The following FHIT variants were observed in gnomAD, a reference collection of about 807,000 sequenced individuals.
FHIT encodes the protein bis(5'-adenosyl)-triphosphatase.
Under a neutral mutation model 17.9 loss-of-function variants are expected in FHIT, and 19 were observed. The ratio of observed to expected loss-of-function variants is 1.06; its 90% CI spans 0.74 to 1.56. FHIT has a LOEUF of 1.56. Among genes scored for constraint, FHIT ranks in the 40% most tolerant of loss-of-function variants. FHIT has a pLI of 0.00. For synonymous variants in FHIT, 81 were observed against 69.7 expected (o/e 1.16, Z -0.81); for missense variants, 248 against 189.2 (o/e 1.31, Z -1.82).
At chr3:60,287,189 G>A (rs1016657408) in intron 5 of FHIT, among the ~76,000 whole-genome samples, 6 of 151,372 alleles carry the variant, frequency 4.0e-5, no homozygotes, top group Admixed American at 1.3e-4. Context: ...TTTTTTTTCA[G>A]ACAGAGTCTT....
intron 3 of FHIT, among the ~76,000 whole-genome samples, chr3:60,966,295 G>A (rs1236079422): frequency 6.6e-6 from 1 of 152,196 alleles, no homozygotes; most frequent in Admixed American, 6.5e-5. Flanking sequence ...GAAAAGCACA[G>A]TATTAGTGTG....
chr3:60,835,471 T>A (rs1702504324), intron 3 of FHIT, among the ~76,000 whole-genome samples: 1 of 152,252 alleles, frequency 6.6e-6, no homozygotes, highest in African/African-American at 2.4e-5. Flanking sequence ...GTATTTCATA[T>A]TTTTGAGCTA....
intron 4 of FHIT, among the ~76,000 whole-genome samples, chr3:60,640,893 A>T (rs1553685136): frequency 6.6e-6 from 1 of 152,198 alleles, no homozygotes; most frequent in Non-Finnish European, 1.5e-5. Context: ...AAAAAGAAAC[A>T]CACAGGCCAG....
At chr3:59,902,263 C>G (rs111795994) in intron 8 of FHIT, among the ~76,000 whole-genome samples, 5 of 152,136 alleles carry the variant, frequency 3.3e-5, no homozygotes, top group African/African-American at 1.2e-4. Context: ...TCATCTCACA[C>G]GTGTTAGGAT....
At chr3:60,992,404 T>TA (rs531550037) in intron 3 of FHIT, among the ~76,000 whole-genome samples, 1 of 152,154 alleles carries the variant, frequency 6.6e-6, no homozygotes, top group East Asian at 1.9e-4. Context: ...TACCTTAATT[T>TA]AAAAAAATAT....
intron 5 of FHIT, among the ~76,000 whole-genome samples, chr3:60,186,995 G>C (rs1576275240): frequency 6.6e-6 from 1 of 152,106 alleles, no homozygotes; most frequent in East Asian, 1.9e-4. Context: ...CATGCCCGTA[G>C]AGTGTTGAGG....
chr3:60,160,404 T>C (rs1700889759), intron 5 of FHIT, among the ~76,000 whole-genome samples: 1 of 152,212 alleles, frequency 6.6e-6, no homozygotes, highest in Non-Finnish European at 1.5e-5. Flanking sequence ...ACATTTTCCA[T>C]ATTTTTAGAG....
At chr3:60,100,341 G>A (rs1430188498) in intron 5 of FHIT, among the ~76,000 whole-genome samples, 1 of 151,950 alleles carries the variant, frequency 6.6e-6, no homozygotes, top group East Asian at 1.9e-4. Flanking sequence ...CTGAGATTGT[G>A]CCACTGTACT....
chr3:61,007,308 C>T (rs1229939470), intron 3 of FHIT, among the ~76,000 whole-genome samples: 2 of 152,300 alleles, frequency 1.3e-5, no homozygotes, highest in East Asian at 3.9e-4. Context: ...CTCTGCATAA[C>T]TTACTCCCTC....
intron 3 of FHIT, among the ~76,000 whole-genome samples, chr3:60,926,666 C>T (rs1359480705): frequency 6.6e-6 from 1 of 152,124 alleles, no homozygotes; most frequent in Admixed American, 6.5e-5. Context: ...CAAGAGCAAA[C>T]ATTCAAAAGC....
intron 5 of FHIT, among the ~76,000 whole-genome samples, chr3:60,459,346 C>A (rs1199321505): frequency 6.6e-6 from 1 of 152,068 alleles, no homozygotes; most frequent in African/African-American, 2.4e-5. Flanking sequence ...ATAGTATACA[C>A]CAAGTAAATA....
In FHIT at chr3:60,966,394, G is replaced by T. The variant is rs542401434; in HGVS notation, c.-111+75653C>A. Among the ~76,000 whole-genome samples the T allele has an allele frequency of 3.3e-5, 5 of 152,350 alleles. 1 individual carries two copies. In the South Asian group the frequency reaches 1.0e-3, roughly 32 times the overall value. On this transcript the variant is annotated intron_variant, in intron 3 of 9. Transcript: ENST00000492590. ...CCAACCCCTTGCACTTCCCAGGTGA[G>T]GCGATGTCCCGCCCTGCTTTGGCTC...
At chr3:61,207,418 G>A (rs1219176376) in intron 1 of FHIT, among the ~76,000 whole-genome samples, 1 of 152,144 alleles carries the variant, frequency 6.6e-6, no homozygotes, top group African/African-American at 2.4e-5. Context: ...TTGTACCTCT[G>A]GTAGAATTCA....
chr3:61,039,725 T>G (rs973905831), intron 3 of FHIT, among the ~76,000 whole-genome samples: 11 of 152,166 alleles, frequency 7.2e-5, no homozygotes, highest in East Asian at 1.9e-4. Context: ...TCTGCGGGGG[T>G]TAGCATTAGG....
intron 2 of FHIT, among the ~76,000 whole-genome samples, chr3:61,197,969 T>G (rs1053339192): frequency 1.3e-5 from 2 of 152,022 alleles, no homozygotes; most frequent in African/African-American, 4.8e-5. Flanking sequence ...AATAACCCAT[T>G]TTTGAGAGTC....
intron 5 of FHIT, among the ~76,000 whole-genome samples, chr3:60,217,683 A>C (rs1004899872): frequency 2.0e-5 from 3 of 151,930 alleles, no homozygotes; most frequent in Non-Finnish European, 4.4e-5. Flanking sequence ...TCTTCCCCTC[A>C]CTCAACATAT....
intron 3 of FHIT, among the ~76,000 whole-genome samples, chr3:60,837,295 A>G (rs1457790681): frequency 6.6e-6 from 1 of 152,184 alleles, no homozygotes; most frequent in Non-Finnish European, 1.5e-5. Flanking sequence ...AGAAGAGAAA[A>G]AAATGTTTTA....
intron 5 of FHIT, among the ~76,000 whole-genome samples, chr3:60,124,023 G>T (rs866178989): frequency 3.1e-4 from 28 of 90,946 alleles, no homozygotes; most frequent in African/African-American, 4.4e-4. Context: ...GAGAGAGAGA[G>T]AGAGAGAGAG....
intron 4 of FHIT, among the ~76,000 whole-genome samples, chr3:60,747,653 A>G (rs190995652): frequency 2.0e-5 from 3 of 152,348 alleles, no homozygotes; most frequent in Non-Finnish European, 2.9e-5. Context: ...AGAGAAGGCA[A>G]AGATTACTTT....
Sources: allele counts gnomAD v4.1 joint callset (sites outside exome capture counted in the v4.1 genomes callset), GRCh38; gene constraint gnomAD v4.1.1; transcripts MANE v1.5; gene names NCBI Gene and HGNC (gene_info 2026-07-23, HGNC 2026-07-21).